The following ZNF592 variants were observed in gnomAD, a reference collection of about 807,000 sequenced individuals.
ZNF592 encodes spinocerebellar ataxia, autosomal recessive 5.
A neutral mutation model predicts 80.3 loss-of-function variants in ZNF592; 11 were observed. The ratio of observed to expected loss-of-function variants is 0.14; its 90% CI spans 0.09 to 0.23. The LOEUF is 0.23. ZNF592 is among the 10% of genes least tolerant of loss of function. The probability of loss-of-function intolerance (pLI) is 1.00; values close to 1 mark genes in which losing one functional copy is unlikely to be tolerated. For missense variants in ZNF592, 1,420 were observed against 1,633.9 expected (o/e 0.87, Z 2.26); for synonymous variants, 646 against 640.3 (o/e 1.01, Z -0.13).
chr15:84,778,297 CA>C lies in ZNF592; in HGVS notation c.-34del. 3.6e-6 allele frequency: 1 copy of C among 277,206 alleles called. No individual in the cohort carries two copies. Among genetic ancestry groups the C allele is most frequent in the Non-Finnish European group, 7.2e-6 (1 of 138,260 alleles). The allele number at this position is 277,206 out of a possible 1,614,324, so 17.2% of individuals were successfully genotyped here. The stretch of plus-strand genomic sequence containing the variant: ...GCCGAAAGAGGAGGTCCCTACCTGC[CA>C]CGGATACCAGTCAGGTACACATGCA... On this transcript the variant is annotated 5_prime_UTR_variant, in exon 3 of 11. Transcript: ENST00000560079.
chr15:84,771,217 C>A (rs1899692302), intron 2 of ZNF592, among the ~76,000 whole-genome samples: 1 of 152,130 alleles, frequency 6.6e-6, no homozygotes, highest in Non-Finnish European at 1.5e-5. Context: ...ATTCCAGCCC[C>A]CTGTGAGAAG....
rs1176198392 is a variant in ZNF592, at chr15:84,798,665, T to C, written c.2814T>C (p.Pro938=). Residue 938 remains proline, a synonymous_variant, in exon 8 of 11, where the codon CCT becomes CCC. Transcript: ENST00000560079. The surrounding 1 kb of genome is among the most constrained non-coding windows in gnomAD (Gnocchi z 4.5). Reference sequence around the variant, plus strand: ...CAGCGGACACATCCTCAAGCCGCCCTGGCTCTCGAGTTCCCACTGAGCCAC... The same window carrying C: ...CAGCGGACACATCCTCAAGCCGCCCCGGCTCTCGAGTTCCCACTGAGCCAC... ...QSSADTSSSR[P]GSRVPTEPPA... is the part of the protein sequence containing the mutation. The C allele has an allele frequency of 6.2e-7, 1 of 1,613,852 alleles. No individual in the cohort carries two copies.
intron 5 of ZNF592, among the ~76,000 whole-genome samples, chr15:84,793,862 G>A (rs957914687): frequency 3.9e-5 from 6 of 152,102 alleles, no homozygotes; most frequent in East Asian, 1.9e-4. Flanking sequence ...ATTCCATTGC[G>A]GGGATACACC....
At chr15:84,766,707 G>GT (rs1899535283) in intron 2 of ZNF592, among the ~76,000 whole-genome samples, 1 of 1,878 alleles carries the variant, frequency 5.3e-4, no homozygotes, top group South Asian at 4.7e-3. Flanking sequence ...ATGAGAAAGA[G>GT]TGTGTGTGTG....
At chr15:84,761,728 A>C in intron 1 of ZNF592, among the ~76,000 whole-genome samples, 1 of 149,666 alleles carries the variant, frequency 6.7e-6, no homozygotes, top group African/African-American at 2.5e-5. Context: ...TCTGCTGAAA[A>C]CTCTTCCTGT....
intron 3 of ZNF592, among the ~76,000 whole-genome samples, chr15:84,781,557 A>G (rs1962422333): frequency 6.6e-6 from 1 of 152,178 alleles, no homozygotes; most frequent in Admixed American, 6.5e-5. Context: ...AAAGTTTGCC[A>G]CTTTTCTGGT....
At chr15:84,751,289 A>G (rs1899006214) in intron 1 of ZNF592, among the ~76,000 whole-genome samples, 1 of 152,262 alleles carries the variant, frequency 6.6e-6, no homozygotes, top group Non-Finnish European at 1.5e-5. Flanking sequence ...TTACAAAGAA[A>G]TAAATGCAGA....
rs751365649 is a variant in ZNF592, at chr15:84,799,999, A to T, written c.3273+22A>T. ...TCAGGTGAGTGTGGGCTCCCTGCCT[A>T]TTGGAGCTGGCTGCTCAGTGAGGCT... On this transcript the variant is annotated intron_variant, in intron 10 of 10. Transcript: ENST00000560079. The surrounding 1 kb of genome is among the most constrained non-coding windows in gnomAD (Gnocchi z 4.2). The T allele has an allele frequency of 3.7e-6, 6 of 1,613,992 alleles. No homozygotes were observed. The highest frequency in any genetic ancestry group is 1.1e-5 in the South Asian group (1 of 91,076).
chr15:84,797,758 G>A, intron 5 of ZNF592, 111 bp from the exon 6 acceptor site: 1 of 1,253,748 alleles, frequency 8.0e-7, no homozygotes, highest in Non-Finnish European at 1.2e-6. Flanking sequence ...GGAGGGAGAA[G>A]GTGCCTGGAT....
chr15:84,800,544 GA>G (rs1963063836), intron 10 of ZNF592, among the ~76,000 whole-genome samples: 1 of 152,182 alleles, frequency 6.6e-6, no homozygotes, highest in South Asian at 2.1e-4. Flanking sequence ...CTGTTCCACA[GA>G]AGGGTCAGGT....
At chr15:84,771,395 G>A (rs921211327) in intron 2 of ZNF592, among the ~76,000 whole-genome samples, 4 of 152,074 alleles carry the variant, frequency 2.6e-5, no homozygotes, top group African/African-American at 7.2e-5. Context: ...GGTGGGTTGG[G>A]GTATCAGGTA....
At chr15:84,787,191 G>T (rs1045788020) in intron 4 of ZNF592, among the ~76,000 whole-genome samples, 4 of 152,066 alleles carry the variant, frequency 2.6e-5, no homozygotes, top group African/African-American at 9.7e-5. Flanking sequence ...CAGAGGTCTG[G>T]GTGTAGGATC....
At chr15:84,755,431 T>C (rs12910012) in intron 1 of ZNF592, among the ~76,000 whole-genome samples, 30,108 of 152,074 alleles carry the variant, frequency 0.2, 3,777 homozygotes, top group Middle Eastern at 0.36. Context: ...TGTGCCCAGC[T>C]TGAAACTTTT....
chr15:84,801,107 G>A (rs1312688311), intron 10 of ZNF592, among the ~76,000 whole-genome samples: 1 of 152,232 alleles, frequency 6.6e-6, no homozygotes, highest in Non-Finnish European at 1.5e-5. Context: ...GATCACTTGA[G>A]CCTAGGAGTT....
chr15:84,799,408 CCT>C lies in ZNF592; in HGVS notation c.3137+204_3137+205del, dbSNP rs972069334. ...TTCCAGAACCTGGTAGCTCCTGAGC[CCT>C]CTCTCGTCACTCTCTAGCCCAGGAC... On this transcript the variant is annotated intron_variant, in intron 9 of 10. Transcript: ENST00000560079. This position sits in a 1 kb window ranked among gnomAD's most constrained non-coding sequence, Gnocchi z 4.2. Among the ~76,000 whole-genome samples the C allele has an allele frequency of 2.6e-5, 4 of 152,156 alleles. No homozygotes were observed. Among genetic ancestry groups the C allele is most frequent in the Non-Finnish European group, 5.9e-5 (4 of 68,032 alleles).
At chr15:84,773,330 G>A (rs904726901) in intron 2 of ZNF592, among the ~76,000 whole-genome samples, 1 of 151,432 alleles carries the variant, frequency 6.6e-6, no homozygotes, top group African/African-American at 2.4e-5. Context: ...TCCTGCCTCA[G>A]CCTCCCGAGT....
Position 84,798,606 on chromosome 15 carries a change from C to T in ZNF592, c.2755C>T (p.Arg919Ter). The stretch of plus-strand genomic sequence containing the variant: ...TCCCCAGAGCACCCACGGTGTTCCC[C>T]GAAATGTGGACGAGCTGTCAAGCCT... Reference protein sequence around the residue: ...QHVKSTHGVPRNVDELSSLQS... With the variant: ...QHVKSTHGVP The change falls in exon 8 of 11, where the codon CGA (arginine) becomes TGA (stop). Residue 919 changes from arginine (R) to a stop codon, truncating the protein, a stop_gained. Coordinates refer to ENST00000560079, the MANE Select transcript of ZNF592 (RefSeq NM_014630.3). LOFTEE classifies it high-confidence loss of function. The surrounding 1 kb of genome is among the most constrained non-coding windows in gnomAD (Gnocchi z 4.5). The T allele has an allele frequency of 6.2e-7, 1 of 1,614,098 alleles. No homozygotes were observed. Among genetic ancestry groups the T allele is most frequent in the Non-Finnish European group, 8.5e-7 (1 of 1,180,032 alleles).
In ZNF592 at chr15:84,799,044, C is replaced by T. The variant is rs900570355; in HGVS notation, c.3025-54C>T. The T allele has an allele frequency of 1.1e-5, 18 of 1,602,100 alleles. No individual in the cohort carries two copies. Among genetic ancestry groups the T allele is most frequent in the Non-Finnish European group, 1.3e-5 (15 of 1,169,144 alleles). On this transcript the variant is annotated intron_variant, in intron 8 of 10. Coordinates refer to ENST00000560079, the MANE Select transcript of ZNF592 (RefSeq NM_014630.3). The surrounding 1 kb of genome is among the most constrained non-coding windows in gnomAD (Gnocchi z 4.2). ...CATGGCATCTGAGAAGAAAAATGCA[C>T]CCAGAACTATCTTACAGTTCTGATG...
intron 5 of ZNF592, among the ~76,000 whole-genome samples, chr15:84,796,821 A>G (rs1365498128): frequency 6.6e-6 from 1 of 152,170 alleles, no homozygotes; most frequent in Non-Finnish European, 1.5e-5. Flanking sequence ...TTTGAGCTGC[A>G]TGGTCCAGTA....
Sources: allele counts gnomAD v4.1 joint callset (sites outside exome capture counted in the v4.1 genomes callset), GRCh38; gene constraint gnomAD v4.1.1; non-coding constraint Gnocchi (gnomAD v3.1); transcripts MANE v1.5; gene names NCBI Gene and HGNC (gene_info 2026-07-23, HGNC 2026-07-21).